Variants in GET1 observed in about 807,000 individuals in gnomAD.
GET1 encodes guided entry of tail-anchored proteins factor 1.
In GET1, 20 loss-of-function variants were observed where a neutral mutation model predicts 22.6. That is an observed-to-expected ratio of 0.89 (90% confidence interval 0.62 to 1.29). The LOEUF is 1.29. Ranked by LOEUF, GET1 falls within the 50% of genes most tolerant of loss-of-function variation. The pLI, the probability that GET1 is intolerant of heterozygous loss-of-function variation, is 0.00. For synonymous variants in GET1, 92 were observed against 83.8 expected (o/e 1.10, Z -0.53); for missense variants, 209 against 219.9 (o/e 0.95, Z 0.31).
At chr21:39,380,932 TG>T in intron 1 of GET1, 9 of 103,668 alleles carry the variant, frequency 8.7e-5, no homozygotes, top group Non-Finnish European at 1.6e-4. Flanking sequence ...GTGGGTAGGG[TG>T]GGAGACAGGT....
intron 1 of GET1, among the ~76,000 whole-genome samples, chr21:39,420,500 G>A (rs1480867587): frequency 1.8e-5 from 2 of 109,620 alleles, no homozygotes; most frequent in African/African-American, 7.3e-5. Flanking sequence ...TCCAGCCTGG[G>A]TGACAGAGCA....
At chr21:39,389,086 C>CCCTTCCTCCCTT (rs902369952) in intron 1 of GET1, among the ~76,000 whole-genome samples, 1 of 152,056 alleles carries the variant, frequency 6.6e-6, no homozygotes, top group Non-Finnish European at 1.5e-5. Context: ...CTTCCTCCCT[C>CCCTTCCTCCCTT]CCTTCCTCCC....
At chr21:39,414,742 C>CTGTGTGTGTGTGTGTGTGTGTGTG (rs66478742) in intron 1 of GET1, among the ~76,000 whole-genome samples, 2 of 99,178 alleles carry the variant, frequency 2.0e-5, no homozygotes, top group African/African-American at 8.8e-5. Flanking sequence ...CTCTCTCTCT[C>CTGTGTGTGTGTGTGTGTGTGTGTG]TGTGTGTGTG....
At chr21:39,422,682 C>A in intron 1 of GET1, 1 of 477,266 alleles carries the variant, frequency 2.1e-6, no homozygotes, top group Non-Finnish European at 3.6e-6. Flanking sequence ...AGTCCCTTAG[C>A]ACTGTAGCTG....
At chr21:39,420,554 T>TGTG in intron 1 of GET1, 1 of 290,232 alleles carries the variant, frequency 3.4e-6, no homozygotes, top group Non-Finnish European at 6.1e-6. Flanking sequence ...TAAACAGAAC[T>TGTG]GTGGATGGGG....
chr21:39,407,378 T>G (rs2039257286), downstream of GET1, among the ~76,000 whole-genome samples: 1 of 152,320 alleles, frequency 6.6e-6, no homozygotes. Context: ...GTGGGTGTGT[T>G]GTTGGTACAG....
At chr21:39,410,938 G>A, downstream of GET1, 1 of 471,034 alleles carries the variant, frequency 2.1e-6, no homozygotes, top group Non-Finnish European at 4.4e-6. Flanking sequence ...TAAAACAGAG[G>A]TGAGTATTCC....
intron 1 of GET1, chr21:39,427,971 A>T: frequency 2.2e-6 from 1 of 445,294 alleles, no homozygotes; most frequent in Non-Finnish European, 4.1e-6. Context: ...GCTAGGCTTT[A>T]CATGTGAAGC....
chr21:39,385,742 C>G (rs993157431), intron 1 of GET1, among the ~76,000 whole-genome samples: 1 of 152,054 alleles, frequency 6.6e-6, no homozygotes, highest in African/African-American at 2.4e-5. Context: ...AAACTGCATG[C>G]ACTGCGCAGG....
rs187392386 is a variant in GET1 at position 39,383,923 on chromosome 21, T to G, written c.102+3437T>G. 4.2e-3 allele frequency among the ~76,000 whole-genome samples: 642 copies of G among 152,302 alleles called. 1 individual carries two copies. The highest frequency in any genetic ancestry group is 0.015 in the African/African-American group (630 of 41,566). ...GCTGGGCTAATTTTTGTATTTTTAG[T>G]AGAGACGGGGTTTTGCCATGTTGGC... is the stretch of plus-strand genomic sequence containing the variant. On this transcript the variant is annotated intron_variant, in intron 1 of 4. Transcript: ENST00000649170.
intron 4 of GET1, among the ~76,000 whole-genome samples, chr21:39,404,730 G>A (rs1295209207): frequency 2.4e-5 from 3 of 125,806 alleles, no homozygotes; most frequent in African/African-American, 5.9e-5. Context: ...TCCAGCCTGG[G>A]TGACACACTG....
downstream of GET1, chr21:39,410,042 GATTT>G (rs2039814731): frequency 6.2e-7 from 1 of 1,610,684 alleles, no homozygotes; most frequent in South Asian, 1.1e-5. Flanking sequence ...GGAATTTCAT[GATTT>G]ATTTCAGTTG....
intron 1 of GET1, chr21:39,380,793 G>A: frequency 9.3e-7 from 1 of 1,074,902 alleles, no homozygotes; most frequent in Non-Finnish European, 1.1e-6. Context: ...CCTCGTTTCC[G>A]TTAATCCTGG....
At chr21:39,393,436 T>C (rs539269915) in intron 4 of GET1, among the ~76,000 whole-genome samples, 156 bp downstream of exon 4, 107 of 152,264 alleles carry the variant, frequency 7.0e-4, no homozygotes, top group Non-Finnish European at 8.8e-4. Flanking sequence ...ATGAAGAAAC[T>C]GAGGTCTGAA....
At chr21:39,419,627 C>T (rs981726429) in intron 1 of GET1, among the ~76,000 whole-genome samples, 2 of 151,906 alleles carry the variant, frequency 1.3e-5, no homozygotes, top group African/African-American at 4.8e-5. Context: ...ACTTTTACGA[C>T]GTGGGCCTTT....
chr21:39,403,913 G>A (rs1397905935), intron 4 of GET1, among the ~76,000 whole-genome samples: 1 of 151,798 alleles, frequency 6.6e-6, no homozygotes, highest in Non-Finnish European at 1.5e-5. Context: ...GAGCCACTGC[G>A]CCCGGCTCTA....
chr21:39,384,620 A>G (rs1016671590), intron 1 of GET1, among the ~76,000 whole-genome samples: 9 of 149,900 alleles, frequency 6.0e-5, no homozygotes, highest in African/African-American at 1.5e-4. Flanking sequence ...GGTTTGTTAT[A>G]TAGGTAAACT....
chr21:39,406,144 A>G (rs959698074), exon 5 of GET1: 7 of 1,614,212 alleles, frequency 4.3e-6, no homozygotes, highest in Non-Finnish European at 5.9e-6. Flanking sequence ...CTTCACTTTT[A>G]TTCTGGAAGA....
At chr21:39,398,812 C>T (rs2147018005), downstream of GET1, among the ~76,000 whole-genome samples, 1 of 151,992 alleles carries the variant, frequency 6.6e-6, no homozygotes, top group South Asian at 2.1e-4. Context: ...CAGGATTTGG[C>T]CAGGTTGGTC....
Sources: gnomAD v4.1 joint callset for allele counts (sites outside exome capture counted in the v4.1 genomes callset) on GRCh38, gnomAD v4.1.1 for gene constraint, MANE v1.5 for transcripts, NCBI Gene and HGNC (gene_info 2026-07-23, HGNC 2026-07-21) for gene names.